Variants in WDFY4 observed in about 807,000 individuals in gnomAD.
The protein encoded by WDFY4 is WD repeat- and FYVE domain-containing protein 4.
WDFY4 carries 169 observed loss-of-function variants against 351.9 expected under a neutral mutation model. The observed-to-expected ratio is 0.48, with a 90% confidence interval of 0.42 to 0.55. WDFY4 has a LOEUF of 0.55. WDFY4 is among the 20% of genes least tolerant of loss of function. WDFY4 has a pLI of 0.00. For synonymous variants in WDFY4, 1,622 were observed against 1,574.6 expected (o/e 1.03, Z -0.71); for missense variants, 3,803 against 3,935.6 (o/e 0.97, Z 0.90).
chr10:48,776,879 C>G lies in WDFY4; in HGVS notation c.2993C>G (p.Thr998Arg). Residue 998 changes from threonine (T) to arginine (R), a missense_variant, in exon 16 of 62, where the codon ACG becomes AGG. This residue lies in a region of WDFY4 where 3,054 missense variants were observed against 3,148.6 expected (regional missense o/e 0.97). Coordinates refer to ENST00000325239, the MANE Select transcript of WDFY4 (RefSeq NM_001394531.1). Reference protein sequence around the residue: ...ESQDSTTALQTALSLISMTSP... With the variant: ...ESQDSTTALQRALSLISMTSP... Reference sequence around the variant, plus strand: ...CAGGATTCAACTACTGCTCTTCAGACGGCGCTGAGCCTCATCTCCATGACC... The same window carrying G: ...CAGGATTCAACTACTGCTCTTCAGAGGGCGCTGAGCCTCATCTCCATGACC... The G allele has an allele frequency of 6.4e-7, 1 of 1,551,994 alleles. No homozygotes were observed.
At chr10:48,931,190 A>G (rs1324726841) in intron 47 of WDFY4, among the ~76,000 whole-genome samples, 4 of 152,074 alleles carry the variant, frequency 2.6e-5, no homozygotes, top group Middle Eastern at 3.2e-3. Context: ...CACTGGAGCT[A>G]GATTTGCCTT....
At chr10:48,802,419 C>A (rs1412116692) in intron 24 of WDFY4, among the ~76,000 whole-genome samples, 1 of 152,134 alleles carries the variant, frequency 6.6e-6, no homozygotes, top group Non-Finnish European at 1.5e-5. Context: ...TTTTATGGCA[C>A]CTCTTGCCAC....
chr10:48,833,778 C>A (rs1314802747), intron 39 of WDFY4, among the ~76,000 whole-genome samples: 2 of 152,200 alleles, frequency 1.3e-5, no homozygotes, highest in Non-Finnish European at 2.9e-5. Context: ...TTACTTAACT[C>A]CCCAGTGGGA....
chr10:48,859,299 A>G (rs971838911), intron 39 of WDFY4, among the ~76,000 whole-genome samples: 5 of 152,146 alleles, frequency 3.3e-5, no homozygotes, highest in African/African-American at 9.7e-5. Flanking sequence ...CTTTATTCCA[A>G]TTTTAAAGCG....
chr10:48,902,794 C>T (rs1322678580), intron 47 of WDFY4, among the ~76,000 whole-genome samples: 2 of 151,774 alleles, frequency 1.3e-5, no homozygotes, highest in African/African-American at 4.8e-5. Context: ...CAAGCGAAGC[C>T]CTTATCAAGA....
At chr10:48,970,952 T>C (rs1272705094) in intron 57 of WDFY4, among the ~76,000 whole-genome samples, 3 of 152,176 alleles carry the variant, frequency 2.0e-5, no homozygotes, top group Non-Finnish European at 2.9e-5. Context: ...ACATTCCAAA[T>C]GCACCAAGGC....
intron 47 of WDFY4, chr10:48,910,350 C>T: frequency 9.1e-7 from 1 of 1,096,140 alleles, no homozygotes; most frequent in Non-Finnish European, 1.4e-6. Context: ...TCACCAAGGT[C>T]ATGCCTGACC....
intron 39 of WDFY4, among the ~76,000 whole-genome samples, chr10:48,842,852 G>A (rs975270914): frequency 6.6e-6 from 1 of 152,228 alleles, no homozygotes; most frequent in Non-Finnish European, 1.5e-5. Context: ...AACTGTCGCT[G>A]AAGGAGGAGT....
intron 47 of WDFY4, among the ~76,000 whole-genome samples, chr10:48,917,049 T>C (rs561408279): frequency 5.3e-5 from 8 of 152,326 alleles, no homozygotes; most frequent in Admixed American, 1.3e-4. Flanking sequence ...TGTGTTACAA[T>C]TGCCTATAGT....
intron 1 of WDFY4, among the ~76,000 whole-genome samples, chr10:48,705,595 A>G (rs898401808): frequency 2.6e-5 from 4 of 152,304 alleles, no homozygotes; most frequent in Admixed American, 2.6e-4. Context: ...CACGATCAGC[A>G]GATGAGCAGG....
At chr10:48,840,761 A>T (rs1489846241) in intron 39 of WDFY4, among the ~76,000 whole-genome samples, 2 of 152,200 alleles carry the variant, frequency 1.3e-5, no homozygotes, top group Non-Finnish European at 1.5e-5. Context: ...ATGAAGAAAG[A>T]CAGTGGTTTT....
intron 47 of WDFY4, among the ~76,000 whole-genome samples, chr10:48,921,403 T>C (rs2133586583): frequency 6.6e-6 from 1 of 152,328 alleles, no homozygotes; most frequent in East Asian, 1.9e-4. Flanking sequence ...GATGTTGAAA[T>C]TGGTTATTTA....
At chr10:48,939,159 C>T (rs1407319653) in intron 47 of WDFY4, among the ~76,000 whole-genome samples, 1 of 152,214 alleles carries the variant, frequency 6.6e-6, no homozygotes, top group Admixed American at 6.5e-5. Flanking sequence ...CAGAGGGGGA[C>T]TGGCAGAGCC....
rs1565197594 is a variant in WDFY4, at chr10:48,787,812, CTTCTTCTTCTTCT to C, written c.3809-716_3809-704del. On this transcript the variant is annotated intron_variant, in intron 20 of 61. Transcript: ENST00000325239. ...TCCTCCTCCTCCTCCTCCTCCTCTT[CTTCTTCTTCTTCT>C]TCTTCTTCTTCTTCTTCTTCTTCTT... is the stretch of plus-strand genomic sequence containing the variant. Among the ~76,000 whole-genome samples, 57 of 112,620 alleles carry C rather than the reference CTTCTTCTTCTTCT, an allele frequency of 5.1e-4. 4 individuals are homozygous for C. The highest frequency in any genetic ancestry group is 9.1e-4 in the African/African-American group (23 of 25,358). 73.9% of individuals were successfully genotyped at this position (112,620 alleles called of 152,430 possible).
intron 2 of WDFY4, among the ~76,000 whole-genome samples, chr10:48,712,326 A>T (rs1444160612): frequency 3.0e-4 from 45 of 152,184 alleles, no homozygotes; most frequent in Non-Finnish European, 2.9e-5. Flanking sequence ...CATTATTCCC[A>T]TTACTTTTCC....
chr10:48,892,773 C>A (rs1429165171), intron 44 of WDFY4, among the ~76,000 whole-genome samples: 1 of 152,208 alleles, frequency 6.6e-6, no homozygotes, highest in African/African-American at 2.4e-5. Flanking sequence ...TCCGATGTAC[C>A]ATAAAAACAT....
At position 48,822,550 on chromosome 10, in the gene WDFY4, CA is replaced by C; in HGVS notation, c.5982+14del. ...GCACATCATGGTGGTAAGAGCTGCT[CA>C]CTGACCGGGTATCTGTGTGGATCTG... is the stretch of plus-strand genomic sequence containing the variant. On this transcript the variant is annotated intron_variant, in intron 35 of 61. Transcript: ENST00000325239. 4.6e-6 allele frequency: 7 copies of C among 1,520,660 alleles called. No individual in the cohort carries two copies. The highest frequency in any genetic ancestry group is 6.2e-6 in the Non-Finnish European group (7 of 1,127,660). 94.2% of individuals were successfully genotyped at this position (1,520,660 alleles called of 1,614,324 possible).
chr10:48,744,763 GTTCTTGAATTA>G (rs2064959840), intron 12 of WDFY4, among the ~76,000 whole-genome samples: 1 of 152,146 alleles, frequency 6.6e-6, no homozygotes, highest in Non-Finnish European at 1.5e-5. Context: ...ACTTCTGTTT[GTTCTTGAATTA>G]TTCTTGGTTT....
At chr10:48,850,341 C>T (rs977792337) in intron 39 of WDFY4, among the ~76,000 whole-genome samples, 2 of 152,186 alleles carry the variant, frequency 1.3e-5, no homozygotes, top group African/African-American at 4.8e-5. Flanking sequence ...TTTATTTCTT[C>T]AATCTTATTT....
Sources: allele counts gnomAD v4.1 joint callset (sites outside exome capture counted in the v4.1 genomes callset), GRCh38; gene constraint gnomAD v4.1.1; regional missense constraint gnomAD v4.1.1; transcripts MANE v1.5; gene names NCBI Gene and HGNC (gene_info 2026-07-23, HGNC 2026-07-21).